The following SCAF8 variants were observed in gnomAD, a reference collection of about 807,000 sequenced individuals.
The protein encoded by SCAF8 is SR-related CTD associated factor 8, also known as SR-related and CTD-associated factor 8.
SCAF8 carries 23 observed loss-of-function variants against 140.5 expected under a neutral mutation model. The observed-to-expected ratio is 0.16, with a 90% CI of 0.12 to 0.23. The LOEUF (loss-of-function observed/expected upper bound fraction) is 0.23. Ranked by LOEUF, SCAF8 falls within the 10% of genes least tolerant of loss-of-function variation. SCAF8 has a pLI of 1.00. For synonymous variants in SCAF8, 575 were observed against 528.9 expected (o/e 1.09, Z -1.20); for missense variants, 1,397 against 1,555.7 (o/e 0.90, Z 1.72).
In SCAF8 at chr6:154,833,249, C is replaced by T; in HGVS notation, c.3670C>T (p.Gln1224Ter). The T allele has an allele frequency of 6.2e-7, 1 of 1,613,978 alleles. No homozygotes were observed. The highest frequency in any genetic ancestry group is 8.5e-7 in the Non-Finnish European group (1 of 1,179,974). ...VNGENTERHA[Q>*]PPPIPVQNDP... ...TGGTGAAAATACAGAGAGACATGCT[C>T]AGCCACCACCTATACCAGTACAGAA... The change falls in exon 20 of 20, where the codon CAG becomes TAG. Residue 1224 changes from glutamine to a stop codon, truncating the protein, a stop_gained. Transcript: ENST00000367178. LOFTEE classifies it high-confidence loss of function.
chr6:154,827,400 T>C (rs773065458), intron 18 of SCAF8, among the ~76,000 whole-genome samples, 160 bp downstream of exon 18: 19 of 152,220 alleles, frequency 1.2e-4, no homozygotes, highest in African/African-American at 2.4e-4. Flanking sequence ...ACAGTTCTTA[T>C]TGAAATTTGC....
rs759501427 is a variant in SCAF8 at position 154,833,159 on chromosome 6, C to T, written c.3580C>T (p.Arg1194Trp). Residue 1194 changes from arginine to tryptophan, a missense_variant, in exon 20 of 20, where the codon CGG becomes TGG. Arg to Trp is a moderately radical substitution (Grantham distance 101). This residue lies in a region of SCAF8 where 930 missense variants were observed against 874.6 expected (regional missense o/e 1.06). Coordinates refer to ENST00000367178, the MANE Select transcript of SCAF8 (RefSeq NM_014892.5). ...CACTTGGGTTCCCCCTCCTCATGCT[C>T]GGGTTTTTGATTATTTTGAAGGGGC... ...QNTWVPPPHA[R>W]VFDYFEGATS... 51 of 1,613,878 alleles carry T rather than the reference C, an allele frequency of 3.2e-5. No individual in the cohort carries two copies. Among genetic ancestry groups the T allele is most frequent in the Non-Finnish European group, 4.0e-5 (47 of 1,179,984 alleles).
At chr6:154,749,471 AG>A (rs1490684276) in intron 1 of SCAF8, among the ~76,000 whole-genome samples, 1 of 152,168 alleles carries the variant, frequency 6.6e-6, no homozygotes, top group African/African-American at 2.4e-5. Context: ...ATACCTACAC[AG>A]CCTTTTCCTC....
chr6:154,733,550 T>G lies in SCAF8; in HGVS notation c.-351T>G, dbSNP rs1333055409. 2.3e-6 allele frequency: 3 copies of G among 1,280,662 alleles called. No homozygotes were observed. Among genetic ancestry groups the G allele is most frequent in the South Asian group, 2.5e-5 (1 of 40,692 alleles). 79.3% of individuals were successfully genotyped at this position (1,280,662 alleles called of 1,614,324 possible). On this transcript the variant is annotated 5_prime_UTR_variant, in exon 1 of 20. Transcript: ENST00000367178. ...GGAAGGGGCAGAAGGGAGTGGAGAGTGTAGGGGAAGGGGCTAGAGGGAGGG... is the reference window on the plus strand; with the variant it reads ...GGAAGGGGCAGAAGGGAGTGGAGAGGGTAGGGGAAGGGGCTAGAGGGAGGG...
intron 3 of SCAF8, among the ~76,000 whole-genome samples, chr6:154,780,426 T>C (rs1212631120): frequency 6.6e-6 from 1 of 151,000 alleles, no homozygotes; most frequent in Admixed American, 6.6e-5. Context: ...TACATAGGTA[T>C]ACCTGTGCCA....
At chr6:154,749,253 T>C (rs1778781966) in intron 1 of SCAF8, among the ~76,000 whole-genome samples, 1 of 152,220 alleles carries the variant, frequency 6.6e-6, no homozygotes, top group South Asian at 2.1e-4. Context: ...AAATCTCTTA[T>C]TTTGCTAGTC....
intron 4 of SCAF8, among the ~76,000 whole-genome samples, chr6:154,789,109 A>C (rs925581092): frequency 6.6e-6 from 1 of 152,040 alleles, no homozygotes; most frequent in Non-Finnish European, 1.5e-5. Flanking sequence ...TATGGCGATA[A>C]ATTTATTTAT....
intron 1 of SCAF8, among the ~76,000 whole-genome samples, chr6:154,734,968 C>A (rs1778372219): frequency 6.6e-6 from 1 of 151,874 alleles, no homozygotes; most frequent in Non-Finnish European, 1.5e-5. Context: ...ACTAAAAATA[C>A]AAAAAATTAG....
intron 1 of SCAF8, among the ~76,000 whole-genome samples, chr6:154,772,055 A>G (rs1776784537): frequency 1.3e-5 from 2 of 152,114 alleles, no homozygotes; most frequent in Admixed American, 1.3e-4. Context: ...AAATATGGGG[A>G]AAAACTGGGC....
At chr6:154,808,230 A>G in intron 10 of SCAF8, 29 bp downstream of exon 10, 1 of 1,598,570 alleles carries the variant, frequency 6.3e-7, no homozygotes, top group Non-Finnish European at 8.6e-7. Flanking sequence ...CTGGGTCATA[A>G]ATTTCTAAAA....
At chr6:154,751,270 C>T (rs1001085759) in intron 1 of SCAF8, among the ~76,000 whole-genome samples, 1 of 151,716 alleles carries the variant, frequency 6.6e-6, no homozygotes, top group African/African-American at 2.4e-5. Context: ...CTCTTGTTGC[C>T]CAGGCTGGAG....
rs181679593 is a variant in SCAF8, at chr6:154,758,350, G to T, written c.31-15639G>T. On this transcript the variant is annotated intron_variant, in intron 1 of 19. Coordinates refer to ENST00000367178, the MANE Select transcript of SCAF8 (RefSeq NM_014892.5). ...GATGCGAGTTCTGTCTTGCCTTTTT[G>T]TGGTGGTTCCAGTGTCAGTTCAGTT... is the stretch of plus-strand genomic sequence containing the variant. Among the ~76,000 whole-genome samples, 7 of 152,304 alleles carry T rather than the reference G, an allele frequency of 4.6e-5. No individual in the cohort carries two copies. The East Asian group carries it at 1.2e-3, about 25-fold the overall frequency.
Position 154,830,845 on chromosome 6 carries a change from A to G in SCAF8, c.2141-77A>G, listed in dbSNP as rs768597985. 71 of 1,047,628 alleles carry G rather than the reference A, an allele frequency of 6.8e-5. No homozygotes were observed. In the African/African-American group the frequency reaches 1.1e-3, roughly 16 times the overall value. The allele number at this position is 1,047,628 out of a possible 1,614,324, so 64.9% of individuals were successfully genotyped here. ...TAATACAGAGATGCCATTAAATTAA[A>G]TACTCAGACTGCCAGAAAACTTAGC... On this transcript the variant is annotated intron_variant, in intron 18 of 19. Transcript: ENST00000367178.
chr6:154,762,713 AC>A (rs1776441032), intron 1 of SCAF8, among the ~76,000 whole-genome samples: 1 of 152,142 alleles, frequency 6.6e-6, no homozygotes, highest in South Asian at 2.1e-4. Context: ...CAAATATTTT[AC>A]CTTGAGGCTT....
At chr6:154,820,146 C>T (rs780660632) in intron 14 of SCAF8, 31 bp from the exon 15 acceptor site, 11 of 1,533,116 alleles carry the variant, frequency 7.2e-6, no homozygotes, top group African/African-American at 1.4e-5. Context: ...TATGTATAAC[C>T]TTTCTTTTTT....
Position 154,827,259 on chromosome 6 carries a change from G to C in SCAF8, c.2140+19G>C, listed in dbSNP as rs1391539900. 1 of 1,556,350 alleles carries C rather than the reference G, an allele frequency of 6.4e-7. No individual in the cohort carries two copies. Among genetic ancestry groups the C allele is most frequent in the Non-Finnish European group, 8.7e-7 (1 of 1,142,940 alleles). On this transcript the variant is annotated intron_variant, in intron 18 of 19. Coordinates refer to ENST00000367178, the MANE Select transcript of SCAF8 (RefSeq NM_014892.5). ...CCAACATGTAAGTTTTCTACTTTTA[G>C]AGTTTTCTTTATTCATGGTAGTGTT...
rs200134991 is a variant in SCAF8, at chr6:154,824,221, C to G, written c.1927-13C>G. The G allele has an allele frequency of 2.7e-4, 429 of 1,608,618 alleles. 1 individual carries two copies. The highest frequency in any genetic ancestry group is 1.2e-3 in the Middle Eastern group (7 of 6,002). ...TAAACTGATGAGTGAACTTTTTTGT[C>G]TATCCACAAAAGATTCCAGTGGCGC... On this transcript the variant is annotated splice_polypyrimidine_tract_variant and intron_variant, in intron 16 of 19. Transcript: ENST00000367178.
chr6:154,767,772 C>A (rs1776623810), intron 1 of SCAF8, among the ~76,000 whole-genome samples: 1 of 152,026 alleles, frequency 6.6e-6, no homozygotes, highest in Non-Finnish European at 1.5e-5. Context: ...CTCCTGGAAT[C>A]AAGTGAGCTG....
chr6:154,814,181 T>A (rs1340186660), intron 12 of SCAF8, among the ~76,000 whole-genome samples: 1 of 152,146 alleles, frequency 6.6e-6, no homozygotes, highest in African/African-American at 2.4e-5. Context: ...AAAAATTAGC[T>A]GAGCATGATG....
Sources: allele counts gnomAD v4.1 joint callset (sites outside exome capture counted in the v4.1 genomes callset), GRCh38; gene constraint gnomAD v4.1.1; regional missense constraint gnomAD v4.1.1; transcripts MANE v1.5; gene names NCBI Gene and HGNC (gene_info 2026-07-23, HGNC 2026-07-21).